Variants in ENTREP2 observed in about 807,000 individuals in gnomAD.
ENTREP2 encodes protein ENTREP2.
chr15:29,272,147 A>G, the ENTREP2 span, among the ~76,000 whole-genome samples: 21 of 152,326 alleles, frequency 1.4e-4, 1 homozygote, highest in Admixed American at 1.3e-4. Context: ...CACTCTTTCC[A>G]GAAGAATGCA....
chr15:29,638,055 T>C, the ENTREP2 span, among the ~76,000 whole-genome samples: 1 of 152,218 alleles, frequency 6.6e-6, no homozygotes, highest in Non-Finnish European at 1.5e-5. Context: ...CTAACTGCGT[T>C]GACCTTCAGA....
chr15:29,576,057 C>T, the ENTREP2 span, among the ~76,000 whole-genome samples: 1 of 152,166 alleles, frequency 6.6e-6, no homozygotes, highest in Non-Finnish European at 1.5e-5. Context: ...AGTTGAAAGA[C>T]TCATACTTCT....
chr15:29,558,468 G>A, the ENTREP2 span, among the ~76,000 whole-genome samples: 1 of 151,210 alleles, frequency 6.6e-6, no homozygotes, highest in Non-Finnish European at 1.5e-5. Context: ...CCCTCTTCAC[G>A]ACCTCCCAGA....
chr15:29,390,382 G>A, the ENTREP2 span, among the ~76,000 whole-genome samples: 4 of 152,018 alleles, frequency 2.6e-5, no homozygotes, highest in African/African-American at 9.7e-5. Flanking sequence ...TGGAGAAAAC[G>A]AAGAGGGTTG....
At chr15:29,489,409 G>T in the ENTREP2 span, among the ~76,000 whole-genome samples, 1 of 152,176 alleles carries the variant, frequency 6.6e-6, no homozygotes, top group African/African-American at 2.4e-5. Context: ...CGTTGCCCTT[G>T]GGTGCAGACA....
At chr15:29,196,911 G>A in the ENTREP2 span, among the ~76,000 whole-genome samples, 1 of 152,170 alleles carries the variant, frequency 6.6e-6, no homozygotes, top group Admixed American at 6.5e-5. Context: ...CTAGCTCTGT[G>A]CCTTGGCTCA....
chr15:29,234,179 C>A, the ENTREP2 span: 2 of 1,601,298 alleles, frequency 1.2e-6, no homozygotes, highest in Non-Finnish European at 1.7e-6. Context: ...TGATCTGGGT[C>A]CAGTATCTGA....
chr15:29,489,139 A>C, the ENTREP2 span, among the ~76,000 whole-genome samples: 1 of 124,292 alleles, frequency 8.0e-6, no homozygotes, highest in African/African-American at 3.8e-5. Flanking sequence ...GTAAAGAAAA[A>C]TAAAACATGG....
chr15:29,286,566 C>T, the ENTREP2 span, among the ~76,000 whole-genome samples: 3 of 152,118 alleles, frequency 2.0e-5, no homozygotes, highest in South Asian at 2.1e-4. Flanking sequence ...CAATGGAATG[C>T]GGCGGTAGTG....
At chr15:29,132,647 C>T in the ENTREP2 span, among the ~76,000 whole-genome samples, 1 of 152,352 alleles carries the variant, frequency 6.6e-6, no homozygotes, top group Non-Finnish European at 1.5e-5. Context: ...GGTTTCAGAA[C>T]CAGCCAGATC....
At chr15:29,327,012 C>CA in the ENTREP2 span, among the ~76,000 whole-genome samples, 164 of 149,070 alleles carry the variant, frequency 1.1e-3, no homozygotes, top group African/African-American at 3.3e-3. Context: ...CATCTATATG[C>CA]AAAAAAAAAG....
At chr15:29,269,561 T>G in the ENTREP2 span, 84 of 1,525,024 alleles carry the variant, frequency 5.5e-5, 1 homozygote, top group South Asian at 9.7e-4. Flanking sequence ...CGGGACGTGC[T>G]CGGGGCCTCC....
At chr15:29,311,689 C>A in the ENTREP2 span, among the ~76,000 whole-genome samples, 1 of 149,850 alleles carries the variant, frequency 6.7e-6, no homozygotes, top group Non-Finnish European at 1.5e-5. Context: ...GACTCCATCC[C>A]CCCCCCAAAA....
the ENTREP2 span, among the ~76,000 whole-genome samples, chr15:29,372,614 A>T: frequency 6.6e-6 from 1 of 152,332 alleles, no homozygotes; most frequent in Non-Finnish European, 1.5e-5. Flanking sequence ...TATAAAATCA[A>T]TGCAATCACA....
chr15:29,391,799 G>T, the ENTREP2 span, among the ~76,000 whole-genome samples: 1 of 152,072 alleles, frequency 6.6e-6, no homozygotes, highest in Non-Finnish European at 1.5e-5. Context: ...TGTTTCCTTT[G>T]TAATAGTTTT....
chr15:29,395,334 T>G, the ENTREP2 span, among the ~76,000 whole-genome samples: 1 of 152,086 alleles, frequency 6.6e-6, no homozygotes, highest in Non-Finnish European at 1.5e-5. Context: ...AAATATGTCT[T>G]TGAGACCCTT....
chr15:29,305,530 C>T, the ENTREP2 span, among the ~76,000 whole-genome samples: 3 of 152,272 alleles, frequency 2.0e-5, no homozygotes, highest in Admixed American at 2.0e-4. Context: ...CCTGGATATA[C>T]TACGAAGGCA....
the ENTREP2 span, among the ~76,000 whole-genome samples, chr15:29,363,037 G>A: frequency 1.5e-4 from 23 of 152,070 alleles, no homozygotes; most frequent in Non-Finnish European, 1.0e-4. Flanking sequence ...GCTGCTTTAT[G>A]AGCACAGCAA....
chr15:29,616,514 A>T, the ENTREP2 span, among the ~76,000 whole-genome samples: 3 of 152,160 alleles, frequency 2.0e-5, no homozygotes, highest in African/African-American at 7.2e-5. Context: ...AATTTGCTTC[A>T]CAAAATGTTA....
Sources: allele counts gnomAD v4.1 joint callset (sites outside exome capture counted in the v4.1 genomes callset), GRCh38; gene constraint gnomAD v4.1.1; transcripts MANE v1.5; gene names NCBI Gene and HGNC (gene_info 2026-07-23, HGNC 2026-07-21).